The following INSR variants were observed in gnomAD, a reference collection of about 807,000 sequenced individuals.
INSR encodes the protein insulin receptor.
INSR carries 67 observed loss-of-function variants against 142.6 expected under a neutral mutation model. The ratio of observed to expected loss-of-function variants is 0.47; its 90% CI spans 0.39 to 0.58. INSR has a LOEUF of 0.58. Among genes scored for constraint, INSR ranks in the 20% least tolerant of loss-of-function variants. The probability of loss-of-function intolerance (pLI) is 0.00; values close to 1 mark genes in which losing one functional copy is unlikely to be tolerated. For missense variants in INSR, 1,248 were observed against 1,833.2 expected (o/e 0.68, Z 5.83); for synonymous variants, 756 against 743.1 (o/e 1.02, Z -0.28).
Position 7,163,268 on chromosome 19 carries a change from C to A in INSR, c.1862-69G>T, listed in dbSNP as rs963378736. The A allele has an allele frequency of 1.2e-5, 18 of 1,458,980 alleles. No homozygotes were observed. In the South Asian group the frequency reaches 1.7e-4, roughly 14 times the overall value. The allele number at this position is 1,458,980 out of a possible 1,614,324, so 90.4% of individuals were successfully genotyped here. A position where few individuals can be genotyped will look rare whatever the true frequency, so the allele number is the denominator to read the frequency against. Reference sequence around the variant, plus strand: ...GCAAAGAAAGCTGGTGGGAGGATGGCGGGGGACACACAAGTTAAAGACATC... The same window carrying A: ...GCAAAGAAAGCTGGTGGGAGGATGGAGGGGGACACACAAGTTAAAGACATC... On this transcript the variant is annotated intron_variant, in intron 8 of 21. Coordinates refer to ENST00000302850, the MANE Select transcript of INSR (RefSeq NM_000208.4).
At chr19:7,265,996 T>A (rs1480941354) in intron 2 of INSR, among the ~76,000 whole-genome samples, 1 of 152,126 alleles carries the variant, frequency 6.6e-6, no homozygotes. Flanking sequence ...CAAAAGCTAC[T>A]GAGGTACTAA....
rs185071225 is a variant in INSR, at chr19:7,134,389, T to C, written c.2683-2072A>G. Among the ~76,000 whole-genome samples the C allele has an allele frequency of 8.6e-5, 13 of 151,816 alleles. No homozygotes were observed. The East Asian group carries it at 2.5e-3, about 29-fold the overall frequency. ...GTCACATCAGAACCAAATGGATAAATGTGCTTAATGTCTAAGGACAAATAA... is the reference window on the plus strand; with the variant it reads ...GTCACATCAGAACCAAATGGATAAACGTGCTTAATGTCTAAGGACAAATAA... On this transcript the variant is annotated intron_variant, in intron 13 of 21. Transcript: ENST00000302850.
intron 1 of INSR, among the ~76,000 whole-genome samples, chr19:7,285,684 T>C (rs1329363420): frequency 6.6e-6 from 1 of 152,084 alleles, no homozygotes; most frequent in African/African-American, 2.4e-5. Flanking sequence ...ATATGGGATC[T>C]GGGAATGATG....
At position 7,125,570 on chromosome 19, in the gene INSR, G is replaced by A. The variant is rs912358085; in HGVS notation, c.3014-43C>T. 2.7e-5 allele frequency: 43 copies of A among 1,607,350 alleles called. No homozygotes were observed. Among genetic ancestry groups the A allele is most frequent in the Non-Finnish European group, 3.5e-5 (41 of 1,179,856 alleles). ...ACACAGCATCCTTGGAGGATCCCTT[G>A]GGGGTCTGCAGCCACCTTCCACCCA... On this transcript the variant is annotated intron_variant, in intron 16 of 21. Coordinates refer to ENST00000302850, the MANE Select transcript of INSR (RefSeq NM_000208.4). This position sits in a 1 kb window ranked among gnomAD's most constrained non-coding sequence, Gnocchi z 4.9.
chr19:7,215,301 G>C (rs1196189865), intron 2 of INSR, among the ~76,000 whole-genome samples: 2 of 152,088 alleles, frequency 1.3e-5, no homozygotes, highest in African/African-American at 4.8e-5. Flanking sequence ...GAAGGTCACT[G>C]TTCCTCGTAT....
chr19:7,124,541 GAAAAAAAAAAAAAAAAAAAA>G (rs531613079), intron 17 of INSR, among the ~76,000 whole-genome samples: 7 of 9,918 alleles, frequency 7.1e-4, no homozygotes, highest in Admixed American at 2.2e-3. Context: ...TCCGTTTCAG[GAAAAAAAAAAAAAAAAAAAA>G]AAAAAAAAAA....
rs751098709 is a variant in INSR at position 7,143,106 on chromosome 19, G to A, written c.2268-16C>T. On this transcript the variant is annotated splice_polypyrimidine_tract_variant and intron_variant, in intron 11 of 21. Transcript: ENST00000302850. ...CCGAGATGGCCTGGAACGACAGTAG[G>A]ACATGTATGATGACACCATCACCAT... 1 of 1,613,982 alleles carries A rather than the reference G, an allele frequency of 6.2e-7. No individual in the cohort carries two copies. Among genetic ancestry groups the A allele is most frequent in the South Asian group, 1.1e-5 (1 of 91,072 alleles).
At chr19:7,167,101 A>G (rs575235191) in intron 7 of INSR, among the ~76,000 whole-genome samples, 1 of 152,260 alleles carries the variant, frequency 6.6e-6, no homozygotes, top group East Asian at 1.9e-4. Context: ...TTTGAGTATC[A>G]AGTCGGCCCA....
chr19:7,155,944 AAGG>A (rs927355767), intron 9 of INSR, among the ~76,000 whole-genome samples: 3 of 149,062 alleles, frequency 2.0e-5, no homozygotes, highest in South Asian at 2.2e-4. Context: ...GAAGGAGAAG[AAGG>A]AGGAGGAGAA....
At chr19:7,212,138 G>A (rs953514654) in intron 2 of INSR, among the ~76,000 whole-genome samples, 1 of 147,174 alleles carries the variant, frequency 6.8e-6, no homozygotes, top group African/African-American at 2.7e-5. Flanking sequence ...CCCCCACCCC[G>A]ACGTGTGACA....
intron 2 of INSR, among the ~76,000 whole-genome samples, chr19:7,235,979 T>TTTC (rs1976147550): frequency 6.6e-6 from 1 of 150,568 alleles, no homozygotes; most frequent in African/African-American, 2.4e-5. Context: ...TCCTTTTTTT[T>TTTC]TTTTTTTTTT....
intron 2 of INSR, 40 bp from the exon 3 acceptor site, chr19:7,184,677 A>AATAC: frequency 9.4e-7 from 1 of 1,061,660 alleles, no homozygotes; most frequent in Non-Finnish European, 1.3e-6. Flanking sequence ...TAAATAAATA[A>AATAC]ATAAATAAAT....
At position 7,168,024 on chromosome 19, in the gene INSR, C is replaced by A. The variant is rs765116028; in HGVS notation, c.1554G>T (p.Pro518=). Reference sequence around the variant, plus strand: ...GGTCTCGGAAGTCGGGGGGCCAGTACGGCTCCCATCTCAGCAAGATCTTGT... The same window carrying A: ...GGTCTCGGAAGTCGGGGGGCCAGTAAGGCTCCCATCTCAGCAAGATCTTGT... ...SFDKILLRWE[P]YWPPDFRDLL... is the part of the protein sequence containing the mutation. The change falls in exon 7 of 22, where the codon CCG becomes CCT. Residue 518 remains proline (P), a synonymous_variant. Transcript: ENST00000302850. The surrounding 1 kb of genome is among the most constrained non-coding windows in gnomAD (Gnocchi z 4.3). 2 of 1,613,900 alleles carry A rather than the reference C, an allele frequency of 1.2e-6. No individual in the cohort carries two copies. The highest frequency in any genetic ancestry group is 1.7e-6 in the Non-Finnish European group (2 of 1,179,846).
chr19:7,197,516 G>GGGTGTGTGTGTGTGTGTGTGTGTGTGT (rs1974790392), intron 2 of INSR, among the ~76,000 whole-genome samples: 4 of 70,856 alleles, frequency 5.6e-5, no homozygotes, highest in Admixed American at 1.5e-4. Flanking sequence ...TGGGAGTGGG[G>GGGTGTGTGTGTGTGTGTGTGTGTGTGT]GTGTGTGTGT....
At chr19:7,256,664 G>A (rs554935179) in intron 2 of INSR, among the ~76,000 whole-genome samples, 23 of 148,148 alleles carry the variant, frequency 1.6e-4, no homozygotes, top group African/African-American at 4.5e-4. Flanking sequence ...CTCAGGAGGC[G>A]GAAGTAAGCC....
intron 2 of INSR, among the ~76,000 whole-genome samples, chr19:7,191,460 A>G (rs905653032): frequency 2.6e-5 from 4 of 152,152 alleles, no homozygotes; most frequent in African/African-American, 9.7e-5. Flanking sequence ...ACGTTTCCAC[A>G]TACTCTTGCT....
At chr19:7,271,489 C>T (rs1384858111) in intron 1 of INSR, among the ~76,000 whole-genome samples, 1 of 151,526 alleles carries the variant, frequency 6.6e-6, no homozygotes, top group African/African-American at 2.4e-5. Flanking sequence ...AGCGAGACTC[C>T]ATCTCAAAGA....
intron 1 of INSR, among the ~76,000 whole-genome samples, chr19:7,285,321 G>GTA (rs1165213796): frequency 6.6e-6 from 1 of 152,088 alleles, no homozygotes; most frequent in African/African-American, 2.4e-5. Context: ...GCATGGTGGC[G>GTA]TGCCTGTAAC....
In INSR at chr19:7,267,498, C is replaced by T. The variant is rs938519025; in HGVS notation, c.499G>A (p.Val167Met). ...TIDWSRILDS[V>M]EDNYIVLNKD... ...TTCAACACGATGTAATTATCCTCCA[C>T]GGAATCCAGGATACGGGACCAGTCG... The change falls in exon 2 of 22, where the codon GTG (valine) becomes ATG (methionine). Residue 167 changes from valine (V) to methionine (M), a missense_variant. Val to Met is a conservative substitution (Grantham distance 21). Coordinates refer to ENST00000302850, the MANE Select transcript of INSR (RefSeq NM_000208.4). The surrounding 1 kb of genome is among the most constrained non-coding windows in gnomAD (Gnocchi z 6.3). 3 of 1,614,122 alleles carry T rather than the reference C, an allele frequency of 1.9e-6. No homozygotes were observed. Among genetic ancestry groups the T allele is most frequent in the African/African-American group, 2.7e-5 (2 of 75,032 alleles).
Sources: gnomAD v4.1 joint callset for allele counts (sites outside exome capture counted in the v4.1 genomes callset) on GRCh38, gnomAD v4.1.1 for gene constraint, Gnocchi (gnomAD v3.1) non-coding constraint, MANE v1.5 for transcripts, NCBI Gene and HGNC (gene_info 2026-07-23, HGNC 2026-07-21) for gene names.